The following MLPH variants were observed in gnomAD, a reference collection of about 807,000 sequenced individuals.
MLPH encodes the protein exophilin-3.
Under a neutral mutation model 72.1 loss-of-function variants are expected in MLPH, and 51 were observed. The ratio of observed to expected loss-of-function variants is 0.71; its 90% confidence interval spans 0.56 to 0.89. The LOEUF (loss-of-function observed/expected upper bound fraction) is 0.89, where lower values mean the gene tolerates loss of function less well. Among genes scored for constraint, MLPH ranks in the 40% least tolerant of loss-of-function variants. The pLI is 0.00. For synonymous variants in MLPH, 301 were observed against 310.1 expected (o/e 0.97, Z 0.31); for missense variants, 743 against 759.9 (o/e 0.98, Z 0.26).
At chr2:237,494,938 A>C (rs1006183076) in intron 2 of MLPH, among the ~76,000 whole-genome samples, 1 of 152,202 alleles carries the variant, frequency 6.6e-6, no homozygotes, top group Non-Finnish European at 1.5e-5. Flanking sequence ...GCTGTCCTGC[A>C]GTTCTGCAGG....
At chr2:237,532,804 G>T (rs533289120) in intron 8 of MLPH, among the ~76,000 whole-genome samples, 5 of 152,218 alleles carry the variant, frequency 3.3e-5, no homozygotes, top group Non-Finnish European at 7.3e-5. Context: ...AGAAAAACCC[G>T]AAATCTTTTC....
At position 237,510,924 on chromosome 2, in the gene MLPH, T is replaced by TGTGG; in HGVS notation, c.333-64_333-63insTGGG. On this transcript the variant is annotated intron_variant, in intron 3 of 15. Coordinates refer to ENST00000264605, the MANE Select transcript of MLPH (RefSeq NM_024101.7). This position sits in a 1 kb window ranked among gnomAD's most constrained non-coding sequence, Gnocchi z 4.4. Reference sequence around the variant, plus strand: ...TCGTGTGTGTGTGTGTGTGTGTGTGTGAGATTTATGCAGGCCTGTGTACAG... The same window carrying TGTGG: ...TCGTGTGTGTGTGTGTGTGTGTGTGTGTGGGAGATTTATGCAGGCCTGTGTACAG... The TGTGG allele has an allele frequency of 6.9e-7, 1 of 1,452,714 alleles. No homozygotes were observed. Among genetic ancestry groups the TGTGG allele is most frequent in the Non-Finnish European group, 9.7e-7 (1 of 1,035,574 alleles). The allele number at this position is 1,452,714 out of a possible 1,614,324, so 90.0% of individuals were successfully genotyped here.
chr2:237,498,668 CA>C (rs2106468681), intron 2 of MLPH, among the ~76,000 whole-genome samples: 1 of 152,320 alleles, frequency 6.6e-6, no homozygotes, highest in Admixed American at 6.5e-5. Flanking sequence ...GGGAAGCCAG[CA>C]CGTCTTGATC....
chr2:237,546,644 A>G lies in MLPH; in HGVS notation c.1578A>G (p.Arg526=). The G allele has an allele frequency of 6.2e-7, 1 of 1,614,182 alleles. No homozygotes were observed. The change falls in exon 13 of 16, where the codon AGA becomes AGG. Residue 526 remains arginine, a synonymous_variant. Coordinates refer to ENST00000264605, the MANE Select transcript of MLPH (RefSeq NM_024101.7). ...GAGTGGCTGGGAAACTTGGCAAGAG[A>G]CCAGAGGACCCAAATGCAGACCCTT... ...LPRVAGKLGK[R]PEDPNADPSS...
intron 9 of MLPH, among the ~76,000 whole-genome samples, chr2:237,538,058 C>T (rs2080576219): frequency 6.6e-6 from 1 of 152,216 alleles, no homozygotes; most frequent in South Asian, 2.1e-4. Context: ...GTGACTTCGT[C>T]ACCTGGGAAG....
chr2:237,552,582 T>G (rs2081061111), intron 15 of MLPH, 145 bp downstream of exon 15: 1 of 708,928 alleles, frequency 1.4e-6, no homozygotes, highest in African/African-American at 1.8e-5. Context: ...AAAAGTAAAG[T>G]AAAATCTTTG....
In MLPH at chr2:237,527,508, G is replaced by C. The variant is rs2080330336; in HGVS notation, c.1012G>C (p.Glu338Gln). The C allele has an allele frequency of 6.2e-7, 1 of 1,614,178 alleles. No homozygotes were observed. ...HSKRRGRASS[E>Q]SQIFELNKHI... ...CAAGCGGAGAGGCCGGGCGTCTTCT[G>C]AGAGTCAGGTAACGGTGGCTGGAAA... Residue 338 changes from glutamate (E) to glutamine (Q), a missense_variant, in exon 8 of 16, where the codon GAG becomes CAG. Physicochemically the swap from Glu to Gln is conservative, Grantham distance 29. Transcript: ENST00000264605.
In MLPH at chr2:237,493,440, T is replaced by A; in HGVS notation, c.14T>A (p.Leu5Gln). Residue 5 changes from leucine to glutamine, a missense_variant, in exon 2 of 16, where the codon CTG becomes CAG. Transcript: ENST00000264605. ...CAAGAAGCAGAAATGGGGAAGAAACTGGATCTTTCCAAGCTCACTGATGAA... is the reference window on the plus strand; with the variant it reads ...CAAGAAGCAGAAATGGGGAAGAAACAGGATCTTTCCAAGCTCACTGATGAA... The part of the protein sequence containing the change: MGKK[L>Q]DLSKLTDEEA... The A allele has an allele frequency of 6.2e-7, 1 of 1,613,956 alleles. No homozygotes were observed. The highest frequency in any genetic ancestry group is 8.5e-7 in the Non-Finnish European group (1 of 1,179,862).
At chr2:237,552,539 C>A in intron 15 of MLPH, 102 bp downstream of exon 15, 2 of 1,005,480 alleles carry the variant, frequency 2.0e-6, no homozygotes, top group Non-Finnish European at 3.0e-6. Flanking sequence ...TGGAGATAAA[C>A]AAAACAAAGA....
At chr2:237,493,298 A>T in intron 1 of MLPH, 105 bp from the exon 2 acceptor site, 3 of 778,848 alleles carry the variant, frequency 3.9e-6, no homozygotes, top group East Asian at 5.0e-5. Context: ...GTACAGACAG[A>T]TGTCCTGAGA....
At chr2:237,493,276 C>A (rs2079464485) in intron 1 of MLPH, 127 bp from the exon 2 acceptor site, 4 of 696,328 alleles carry the variant, frequency 5.7e-6, no homozygotes, top group East Asian at 2.7e-5. Flanking sequence ...ATTAGAAAAC[C>A]ATTTAACCCA....
chr2:237,487,432 G>A lies in MLPH; in HGVS notation c.-30G>A, dbSNP rs535415862. ...CAGGGACTGAGCGTCCCCCGGAGAG[G>A]GTCCGGTGAGTGCACTGAGAAGAGG... On this transcript the variant is annotated 5_prime_UTR_variant, in exon 1 of 16. Transcript: ENST00000264605. The A allele has an allele frequency of 3.6e-4, 55 of 152,786 alleles. No individual in the cohort carries two copies. The highest frequency in any genetic ancestry group is 1.1e-3 in the African/African-American group (44 of 41,600). The allele number at this position is 152,786 out of a possible 1,614,324, so 9.5% of individuals were successfully genotyped here.
At chr2:237,534,677 G>A (rs1002943136) in intron 9 of MLPH, 30 bp downstream of exon 9, 1 of 1,549,478 alleles carries the variant, frequency 6.5e-7, no homozygotes, top group Non-Finnish European at 8.9e-7. Flanking sequence ...AAAGAGAAAG[G>A]GCCCCCACAG....
At chr2:237,522,771 A>G (rs2080217562) in intron 6 of MLPH, among the ~76,000 whole-genome samples, 2 of 152,078 alleles carry the variant, frequency 1.3e-5, no homozygotes, top group African/African-American at 4.8e-5. Flanking sequence ...TAATTAATGG[A>G]AGGGGTTGGG....
intron 15 of MLPH, 141 bp from the exon 16 acceptor site, chr2:237,553,425 A>T (rs2081075970): frequency 2.4e-6 from 2 of 831,642 alleles, no homozygotes; most frequent in Admixed American, 4.0e-5. Flanking sequence ...GTGTGCACAA[A>T]CGTGTAATCT....
intron 2 of MLPH, among the ~76,000 whole-genome samples, chr2:237,506,947 T>C (rs2079785497): frequency 6.6e-6 from 1 of 151,708 alleles, no homozygotes; most frequent in Non-Finnish European, 1.5e-5. Flanking sequence ...GATACATAAT[T>C]GAAAAAAGGA....
Position 237,518,608 on chromosome 2 carries a change from G to T in MLPH, c.515G>T (p.Gly172Val). ...SDQTDEDGEP[G>V]SEAQAQAQPF... ...CAGACAGATGAGGATGGAGAACCTGGCTCAGAGGCCCAGGCCCAGGCCCAG... is the reference window on the plus strand; with the variant it reads ...CAGACAGATGAGGATGGAGAACCTGTCTCAGAGGCCCAGGCCCAGGCCCAG... Residue 172 changes from glycine (G) to valine (V), a missense_variant, in exon 5 of 16, where the codon GGC (glycine) becomes GTC (valine). Physicochemically the swap from Gly to Val is moderately radical, Grantham distance 109. Coordinates refer to ENST00000264605, the MANE Select transcript of MLPH (RefSeq NM_024101.7). The T allele has an allele frequency of 6.2e-7, 1 of 1,613,408 alleles. No individual in the cohort carries two copies. The highest frequency in any genetic ancestry group is 1.7e-4 in the Middle Eastern group (1 of 5,950).
At chr2:237,546,496 A>G (rs558875066) in intron 12 of MLPH, 110 bp from the exon 13 acceptor site, 9 of 956,844 alleles carry the variant, frequency 9.4e-6, no homozygotes, top group Middle Eastern at 2.1e-4. Flanking sequence ...AGCATCCCCA[A>G]CCCAGCATGT....
chr2:237,496,288 A>C (rs2079533877), intron 2 of MLPH, among the ~76,000 whole-genome samples: 1 of 152,158 alleles, frequency 6.6e-6, no homozygotes, highest in African/African-American at 2.4e-5. Context: ...GGAGGGAGCA[A>C]GTGGGGCCTG....
Sources: gnomAD v4.1 joint callset for allele counts (sites outside exome capture counted in the v4.1 genomes callset) on GRCh38, gnomAD v4.1.1 for gene constraint, Gnocchi (gnomAD v3.1) non-coding constraint, MANE v1.5 for transcripts, NCBI Gene and HGNC (gene_info 2026-07-23, HGNC 2026-07-21) for gene names.